The following CORO1C variants were observed in gnomAD, a reference collection of about 807,000 sequenced individuals.
The protein encoded by CORO1C is coronin-1C.
CORO1C carries 14 observed loss-of-function variants against 51.2 expected under a neutral mutation model. The observed-to-expected ratio is 0.27, with a 90% CI of 0.18 to 0.43. The LOEUF (loss-of-function observed/expected upper bound fraction) is 0.43. Among genes scored for constraint, CORO1C ranks in the 20% least tolerant of loss-of-function variants. The probability of loss-of-function intolerance (pLI) is 1.00; values close to 1 mark genes in which losing one functional copy is unlikely to be tolerated. For missense variants in CORO1C, 417 were observed against 607.8 expected (o/e 0.69, Z 3.30); for synonymous variants, 181 against 210.5 (o/e 0.86, Z 1.21).
chr12:108,675,322 AATCT>A (rs919418463), intron 3 of CORO1C, among the ~76,000 whole-genome samples: 32 of 152,250 alleles, frequency 2.1e-4, no homozygotes, highest in African/African-American at 7.7e-4. Context: ...CATAGCAAGG[AATCT>A]ATCTATCAAA....
intron 3 of CORO1C, among the ~76,000 whole-genome samples, chr12:108,667,107 T>C (rs1386791476): frequency 6.6e-6 from 1 of 152,012 alleles, no homozygotes; most frequent in African/African-American, 2.4e-5. Context: ...CATATTTTCA[T>C]GATGACTTTT....
At chr12:108,663,452 G>A (rs2033352646) in intron 3 of CORO1C, among the ~76,000 whole-genome samples, 1 of 152,174 alleles carries the variant, frequency 6.6e-6, no homozygotes, top group Admixed American at 6.5e-5. Flanking sequence ...TCGATAAATG[G>A]CTGAACAAAA....
Position 108,701,141 on chromosome 12 carries a change from C to T in CORO1C, c.178G>A (p.Val60Ile). 1 of 1,614,080 alleles carries T rather than the reference C, an allele frequency of 6.2e-7. No individual in the cohort carries two copies. Among genetic ancestry groups the T allele is most frequent in the Non-Finnish European group, 8.5e-7 (1 of 1,179,984 alleles). The change falls in exon 2 of 11, where the codon GTC (valine) becomes ATC (isoleucine). Residue 60 changes from valine (V) to isoleucine (I), a missense_variant. Val to Ile is a conservative substitution (Grantham distance 29). Coordinates refer to ENST00000261401, the MANE Select transcript of CORO1C (RefSeq NM_014325.4). ...IEASGGGAFL[V>I]LPLHKTGRID... ...TTACCTACCTTGTGCAGAGGGAGGACAAGGAACGCTCCTCCCCCACTTGCC... is the reference window on the plus strand; with the variant it reads ...TTACCTACCTTGTGCAGAGGGAGGATAAGGAACGCTCCTCCCCCACTTGCC...
At chr12:108,708,129 T>C (rs899631499) in intron 1 of CORO1C, among the ~76,000 whole-genome samples, 1 of 152,186 alleles carries the variant, frequency 6.6e-6, no homozygotes, top group African/African-American at 2.4e-5. Context: ...CTCCTAGGTA[T>C]ACACTCATAA....
At chr12:108,713,368 G>GT (rs1278046029) in intron 1 of CORO1C, among the ~76,000 whole-genome samples, 5 of 152,132 alleles carry the variant, frequency 3.3e-5, no homozygotes, top group Non-Finnish European at 7.4e-5. Flanking sequence ...ACCAGGAATG[G>GT]TAAAAATTAA....
intron 1 of CORO1C, among the ~76,000 whole-genome samples, chr12:108,706,186 C>CAAAA (rs368147183): frequency 3.4e-5 from 4 of 118,584 alleles, no homozygotes; most frequent in Non-Finnish European, 5.2e-5. Context: ...GACTCTGAAT[C>CAAAA]AAAAAAAAAC....
In CORO1C at chr12:108,683,433, A is replaced by G. The variant is rs1253756429; in HGVS notation, c.196-5039T>C. On this transcript the variant is annotated intron_variant, in intron 2 of 10. Transcript: ENST00000261401. ...GACTCTGTCTCAAAAAAAAAAAAAA[A>G]GAGGAAAAAAAGAAGTCAGTGGAAA... 2.7e-5 allele frequency among the ~76,000 whole-genome samples: 4 copies of G among 150,704 alleles called. No homozygotes were observed. The South Asian group carries it at 6.2e-4, about 24-fold the overall frequency.
chr12:108,661,972 A>T, intron 4 of CORO1C, 57 bp downstream of exon 4: 5 of 1,605,492 alleles, frequency 3.1e-6, no homozygotes, highest in Non-Finnish European at 4.3e-6. Flanking sequence ...GCTTCCCCCC[A>T]CTCAGAGAGC....
intron 2 of CORO1C, among the ~76,000 whole-genome samples, chr12:108,682,448 G>A (rs1283813513): frequency 5.9e-5 from 9 of 152,140 alleles, no homozygotes; most frequent in Admixed American, 5.2e-4. Context: ...AGCGATTAAT[G>A]TCACTATCTG....
chr12:108,656,559 G>C (rs2033025645), intron 6 of CORO1C, among the ~76,000 whole-genome samples: 1 of 152,230 alleles, frequency 6.6e-6, no homozygotes, highest in Admixed American at 6.5e-5. Flanking sequence ...GTACCCAACA[G>C]CTCATTGAGA....
chr12:108,704,536 G>C (rs1165118405), intron 1 of CORO1C, among the ~76,000 whole-genome samples: 2 of 152,176 alleles, frequency 1.3e-5, no homozygotes, highest in Non-Finnish European at 2.9e-5. Context: ...CATGTGGATA[G>C]AATGATATAG....
intron 2 of CORO1C, among the ~76,000 whole-genome samples, chr12:108,689,701 A>G (rs2136849024): frequency 6.6e-6 from 1 of 152,388 alleles, no homozygotes; most frequent in Non-Finnish European, 1.5e-5. Context: ...CCTGACTCAA[A>G]GAACAGTTAA....
At chr12:108,662,368 G>A (rs1429394609) in intron 3 of CORO1C, among the ~76,000 whole-genome samples, 2 of 151,948 alleles carry the variant, frequency 1.3e-5, no homozygotes, top group Non-Finnish European at 2.9e-5. Flanking sequence ...TTGAGACGGA[G>A]TCTCACACTG....
chr12:108,702,428 C>T (rs1363224679), intron 1 of CORO1C, among the ~76,000 whole-genome samples: 4 of 152,150 alleles, frequency 2.6e-5, no homozygotes, highest in Non-Finnish European at 5.9e-5. Flanking sequence ...ACTCCAAATT[C>T]GACTAAATCA....
At chr12:108,678,445 T>C (rs1307460128) in intron 2 of CORO1C, 51 bp from the exon 3 acceptor site, 2 of 1,406,294 alleles carry the variant, frequency 1.4e-6, no homozygotes, top group Non-Finnish European at 9.4e-7. Flanking sequence ...ACCACAGACG[T>C]TATACATTTT....
chr12:108,726,627 T>C (rs1269463329), intron 1 of CORO1C, among the ~76,000 whole-genome samples: 1 of 142,958 alleles, frequency 7.0e-6, no homozygotes, highest in Admixed American at 7.1e-5. Context: ...CTATACAACA[T>C]AGTGAGACCC....
At chr12:108,663,646 G>A (rs994637967) in intron 3 of CORO1C, among the ~76,000 whole-genome samples, 7 of 152,238 alleles carry the variant, frequency 4.6e-5, no homozygotes, top group African/African-American at 1.4e-4. Context: ...CGTAAAGACA[G>A]AAAGTAGAAT....
At chr12:108,648,464 G>A in intron 10 of CORO1C, 141 bp downstream of exon 10, 4 of 1,123,982 alleles carry the variant, frequency 3.6e-6, no homozygotes, top group South Asian at 1.5e-5. Context: ...CGTGACCGAG[G>A]ACCTTCTCCC....
chr12:108,663,509 TG>T (rs1398913784), intron 3 of CORO1C, among the ~76,000 whole-genome samples: 1 of 152,216 alleles, frequency 6.6e-6, no homozygotes, highest in Non-Finnish European at 1.5e-5. Context: ...TAAAAAAGAA[TG>T]AAGTACTGAT....
Sources: allele counts gnomAD v4.1 joint callset (sites outside exome capture counted in the v4.1 genomes callset), GRCh38; gene constraint gnomAD v4.1.1; transcripts MANE v1.5; gene names NCBI Gene and HGNC (gene_info 2026-07-23, HGNC 2026-07-21).